RUSC2: variants seen among roughly 807,000 people sequenced by gnomAD.
The protein encoded by RUSC2 is AP-4 complex accessory subunit RUSC2.
Under a neutral mutation model 122.2 loss-of-function variants are expected in RUSC2, and 34 were observed. The observed-to-expected ratio is 0.28, with a 90% CI of 0.21 to 0.37. The LOEUF is 0.37. Among genes scored for constraint, RUSC2 ranks in the 10% least tolerant of loss-of-function variants. RUSC2 has a pLI of 1.00. For synonymous variants in RUSC2, 784 were observed against 790.0 expected (o/e 0.99, Z 0.13); for missense variants, 1,747 against 1,952.4 (o/e 0.89, Z 1.98).
At chr9:35,511,969 A>G (rs141074223) in intron 1 of RUSC2, among the ~76,000 whole-genome samples, 7,592 of 152,232 alleles carry the variant, frequency 0.05, 671 homozygotes, top group African/African-American at 0.17. Context: ...TCATGAGGTC[A>G]GGAGATTGAG....
At chr9:35,530,670 C>T (rs1821402329) in intron 1 of RUSC2, among the ~76,000 whole-genome samples, 1 of 151,960 alleles carries the variant, frequency 6.6e-6, no homozygotes, top group African/African-American at 2.4e-5. Flanking sequence ...GACTGGGTCT[C>T]ACTCTGTCGC....
intron 1 of RUSC2, among the ~76,000 whole-genome samples, chr9:35,500,084 T>C (rs1255961852): frequency 6.6e-6 from 1 of 152,186 alleles, no homozygotes; most frequent in African/African-American, 2.4e-5. Flanking sequence ...AGTTTTTCTA[T>C]AAGACTAATG....
At chr9:35,494,361 G>A (rs978664285) in intron 1 of RUSC2, among the ~76,000 whole-genome samples, 3 of 152,108 alleles carry the variant, frequency 2.0e-5, no homozygotes, top group African/African-American at 7.2e-5. Flanking sequence ...TGAGGCAGGA[G>A]GCTGAGGCAG....
At chr9:35,509,953 C>A (rs533617286) in intron 1 of RUSC2, among the ~76,000 whole-genome samples, 1 of 152,286 alleles carries the variant, frequency 6.6e-6, no homozygotes, top group African/African-American at 2.4e-5. Flanking sequence ...AGTTCTATAC[C>A]TACCTTTTCT....
intron 1 of RUSC2, among the ~76,000 whole-genome samples, chr9:35,508,566 G>A (rs1290212855): frequency 2.0e-5 from 3 of 152,154 alleles, no homozygotes; most frequent in East Asian, 3.8e-4. Flanking sequence ...TGAGATTGTC[G>A]TCATCCATAT....
At chr9:35,554,988 C>T in intron 2 of RUSC2, 72 bp from the exon 3 acceptor site, 1 of 1,573,376 alleles carries the variant, frequency 6.4e-7, no homozygotes, top group Non-Finnish European at 8.6e-7. Context: ...TCTCCCATCT[C>T]TGCTTCTGGG....
chr9:35,537,633 T>C (rs753450841), intron 1 of RUSC2, among the ~76,000 whole-genome samples: 12 of 152,302 alleles, frequency 7.9e-5, no homozygotes, highest in South Asian at 4.1e-4. Flanking sequence ...TCACAGGGAA[T>C]AGGAGAAACA....
Position 35,555,454 on chromosome 9 carries a change from T to C in RUSC2, c.2409T>C (p.Pro803=). 3 of 1,613,984 alleles carry C rather than the reference T, an allele frequency of 1.9e-6. 1 individual carries two copies. In the South Asian group the frequency reaches 3.3e-5, roughly 18 times the overall value. ...TDSSASTSCS[P]PPEQPTATES... is the part of the protein sequence containing the mutation. ...CTTCTGCCTCCACTTCGTGCTCCCC[T>C]CCCCCAGAGCAGCCCACAGCCACAG... Residue 803 remains proline (P), a synonymous_variant, in exon 3 of 12, where the codon CCT becomes CCC. Transcript: ENST00000361226. The surrounding 1 kb of genome is among the most constrained non-coding windows in gnomAD (Gnocchi z 4.6).
At chr9:35,544,534 C>A (rs975534397) in intron 1 of RUSC2, among the ~76,000 whole-genome samples, 3 of 152,084 alleles carry the variant, frequency 2.0e-5, no homozygotes, top group Non-Finnish European at 4.4e-5. Context: ...TCTCTGTCTC[C>A]TGACCTCATG....
At chr9:35,511,861 T>G (rs374501440) in intron 1 of RUSC2, among the ~76,000 whole-genome samples, 12 of 152,320 alleles carry the variant, frequency 7.9e-5, no homozygotes, top group Non-Finnish European at 1.2e-4. Context: ...ACCTGTAAAC[T>G]AATGTGCTAA....
intron 1 of RUSC2, among the ~76,000 whole-genome samples, chr9:35,508,468 C>T (rs1034722260): frequency 2.0e-5 from 3 of 152,156 alleles, no homozygotes; most frequent in Non-Finnish European, 2.9e-5. Context: ...ACATGTTGAA[C>T]CTCTGAATTC....
At chr9:35,513,952 CTT>C (rs1821058721) in intron 1 of RUSC2, among the ~76,000 whole-genome samples, 1 of 121,332 alleles carries the variant, frequency 8.2e-6, no homozygotes, top group Non-Finnish European at 1.7e-5. Flanking sequence ...CTTTATGTGT[CTT>C]TATAATGTTA....
At chr9:35,505,322 G>A (rs1240196850) in intron 1 of RUSC2, among the ~76,000 whole-genome samples, 2 of 152,160 alleles carry the variant, frequency 1.3e-5, no homozygotes, top group East Asian at 3.8e-4. Context: ...AGATCTTTCT[G>A]AGGAACTCTT....
At chr9:35,499,200 T>G (rs943896934) in intron 1 of RUSC2, among the ~76,000 whole-genome samples, 2 of 152,078 alleles carry the variant, frequency 1.3e-5, no homozygotes, top group African/African-American at 4.8e-5. Flanking sequence ...GGCACAGGAA[T>G]TGCTTGAACC....
intron 1 of RUSC2, among the ~76,000 whole-genome samples, chr9:35,532,587 C>A (rs1821441302): frequency 1.3e-5 from 2 of 151,170 alleles, no homozygotes; most frequent in Non-Finnish European, 3.0e-5. Context: ...TCTACCAAAA[C>A]CACAAAAATA....
At chr9:35,503,115 G>C (rs1268551123) in intron 1 of RUSC2, among the ~76,000 whole-genome samples, 1 of 152,146 alleles carries the variant, frequency 6.6e-6, no homozygotes, top group African/African-American at 2.4e-5. Context: ...ACCCGCCTTA[G>C]CTTCCCAAAG....
At chr9:35,505,151 T>C (rs1021205884) in intron 1 of RUSC2, among the ~76,000 whole-genome samples, 7 of 152,268 alleles carry the variant, frequency 4.6e-5, no homozygotes, top group Non-Finnish European at 7.3e-5. Flanking sequence ...CCTTTTGTTA[T>C]AACAAATATT....
In RUSC2 at chr9:35,546,814, A is replaced by C; in HGVS notation, c.293A>C (p.Lys98Thr). Residue 98 changes from lysine to threonine, a missense_variant, in exon 2 of 12, where the codon AAA (lysine) becomes ACA (threonine). Coordinates refer to ENST00000361226, the MANE Select transcript of RUSC2 (RefSeq NM_014806.5). This position sits in a 1 kb window ranked among gnomAD's most constrained non-coding sequence, Gnocchi z 4.3. The part of the protein sequence containing the change: ...SRDGRGPGAP[K>T]RHNPFLLQEG... ...GATGGAAGAGGCCCTGGAGCCCCCA[A>C]ACGACACAACCCCTTCTTGCTGCAG... 6.2e-7 allele frequency: 1 copy of C among 1,611,994 alleles called. No individual in the cohort carries two copies. Among genetic ancestry groups the C allele is most frequent in the Non-Finnish European group, 8.5e-7 (1 of 1,179,054 alleles).
Position 35,519,840 on chromosome 9 carries a change from G to A in RUSC2, c.-92-26590G>A, listed in dbSNP as rs1821178988. Among the ~76,000 whole-genome samples the A allele has an allele frequency of 2.6e-5, 4 of 152,128 alleles. No homozygotes were observed. In the South Asian group the frequency reaches 8.3e-4, roughly 32 times the overall value. On this transcript the variant is annotated intron_variant, in intron 1 of 11. Coordinates refer to ENST00000361226, the MANE Select transcript of RUSC2 (RefSeq NM_014806.5). ...CAAGCTTTTCAGGGAAAATATGACA[G>A]TTTTACAAATGAGGAAGCTGAAGTT...
Sources: allele counts gnomAD v4.1 joint callset (sites outside exome capture counted in the v4.1 genomes callset), GRCh38; gene constraint gnomAD v4.1.1; non-coding constraint Gnocchi (gnomAD v3.1); transcripts MANE v1.5; gene names NCBI Gene and HGNC (gene_info 2026-07-23, HGNC 2026-07-21).